The following HK1 variants were observed in gnomAD, a reference collection of about 807,000 sequenced individuals.
HK1 encodes the protein hexokinase-1.
Under a neutral mutation model 91.6 loss-of-function variants are expected in HK1, and 28 were observed. The ratio of observed to expected loss-of-function variants is 0.31; its 90% CI spans 0.23 to 0.42. HK1 has a LOEUF of 0.42. Ranked by LOEUF, HK1 falls within the 10% of genes least tolerant of loss-of-function variation. The pLI is 1.00. For missense variants in HK1, 770 were observed against 1,219.8 expected (o/e 0.63, Z 5.49); for synonymous variants, 430 against 468.1 (o/e 0.92, Z 1.05).
chr10:69,392,314 C>G lies in HK1; in HGVS notation c.2219+6C>G, dbSNP rs748705729. On this transcript the variant is annotated splice_donor_region_variant and intron_variant, in intron 15 of 17. Coordinates refer to ENST00000359426, the MANE Select transcript of HK1 (RefSeq NM_000188.3). ...CTAAATGCTGGGAAACAAAGGTAACCCCGCCTGGTGGAGAGGACACTCACA... is the reference window on the plus strand; with the variant it reads ...CTAAATGCTGGGAAACAAAGGTAACGCCGCCTGGTGGAGAGGACACTCACA... 2 of 1,613,990 alleles carry G rather than the reference C, an allele frequency of 1.2e-6. No individual in the cohort carries two copies. Among genetic ancestry groups the G allele is most frequent in the Non-Finnish European group, 1.7e-6 (2 of 1,180,010 alleles).
intron 1 of HK1, among the ~76,000 whole-genome samples, chr10:69,273,188 C>T (rs1844263763): frequency 6.6e-6 from 1 of 151,368 alleles, no homozygotes; most frequent in Admixed American, 6.6e-5. Context: ...CGCCACCATG[C>T]CCAGCTAACT....
At chr10:69,390,601 C>T (rs1839854559) in intron 14 of HK1, among the ~76,000 whole-genome samples, 1 of 152,202 alleles carries the variant, frequency 6.6e-6, no homozygotes, top group South Asian at 2.1e-4. Flanking sequence ...AGTCTTTGAA[C>T]TCTACTTAAG....
chr10:69,370,018 A>C (rs1012106566), intron 7 of HK1, among the ~76,000 whole-genome samples: 2 of 152,234 alleles, frequency 1.3e-5, no homozygotes, highest in Non-Finnish European at 2.9e-5. Context: ...GGTTACAGGC[A>C]TGAGCCACCT....
At chr10:69,291,788 G>A (rs150983847) in intron 3 of HK1, among the ~76,000 whole-genome samples, 43 of 152,286 alleles carry the variant, frequency 2.8e-4, no homozygotes, top group Non-Finnish European at 5.4e-4. Context: ...AAAATTGCAT[G>A]GTCCATTTGG....
intron 2 of HK1, among the ~76,000 whole-genome samples, 184 bp downstream of exon 2, chr10:69,344,173 G>A (rs1203969709): frequency 6.6e-6 from 1 of 151,792 alleles, no homozygotes; most frequent in African/African-American, 2.4e-5. Context: ...CCATCCATCC[G>A]CTGATCCATC....
chr10:69,371,323 C>A (rs941503493), intron 7 of HK1, among the ~76,000 whole-genome samples: 3 of 149,058 alleles, frequency 2.0e-5, no homozygotes, highest in South Asian at 2.2e-4. Context: ...CATACCCCCC[C>A]CCACCCCGCC....
intron 2 of HK1, among the ~76,000 whole-genome samples, chr10:69,283,813 AAAAAGAAAAG>A (rs1341606119): frequency 6.6e-6 from 1 of 150,446 alleles, no homozygotes; most frequent in African/African-American, 2.4e-5. Context: ...AAAAAAAAAA[AAAAAGAAAAG>A]AAAAAAAGAA....
chr10:69,294,072 A>G (rs984528641), intron 3 of HK1, among the ~76,000 whole-genome samples: 5 of 151,638 alleles, frequency 3.3e-5, no homozygotes, highest in East Asian at 1.9e-4. Context: ...CGTGTTAGCC[A>G]GGATGGTCTC....
chr10:69,337,919 T>G (rs921602771), intron 1 of HK1: 2 of 153,616 alleles, frequency 1.3e-5, no homozygotes, highest in Admixed American at 6.4e-5. Flanking sequence ...CTTGGGCATG[T>G]CCAATCTTGC....
upstream of HK1, among the ~76,000 whole-genome samples, chr10:69,313,659 G>A (rs1390828610): frequency 6.6e-6 from 1 of 151,830 alleles, no homozygotes; most frequent in Admixed American, 6.6e-5. Context: ...CACCATGCCT[G>A]GCTAATTTTG....
chr10:69,334,050 G>T (rs763792711), intron 1 of HK1, among the ~76,000 whole-genome samples: 10 of 152,150 alleles, frequency 6.6e-5, no homozygotes, highest in Non-Finnish European at 1.2e-4. Context: ...GGTGGAGTTT[G>T]CAGTGAGCTG....
chr10:69,312,548 T>C (rs1018474695), upstream of HK1, among the ~76,000 whole-genome samples: 7 of 144,686 alleles, frequency 4.8e-5, no homozygotes, highest in East Asian at 2.0e-4. Flanking sequence ...CATATAGCCC[T>C]TTTTTTTTTT....
Position 69,398,584 on chromosome 10 carries a change from G to T in HK1, c.2376-11G>T. On this transcript the variant is annotated splice_polypyrimidine_tract_variant and intron_variant, in intron 16 of 17. Coordinates refer to ENST00000359426, the MANE Select transcript of HK1 (RefSeq NM_000188.3). ...TGCTTCATCCAGCCCTCTGGCTCTTGTCCCCCACAGTGACCGATTAGCACT... is the reference window on the plus strand; with the variant it reads ...TGCTTCATCCAGCCCTCTGGCTCTTTTCCCCCACAGTGACCGATTAGCACT... 6.2e-7 allele frequency: 1 copy of T among 1,610,220 alleles called. No individual in the cohort carries two copies. The highest frequency in any genetic ancestry group is 8.5e-7 in the Non-Finnish European group (1 of 1,177,804).
intron 3 of HK1, among the ~76,000 whole-genome samples, chr10:69,362,377 A>G (rs1368255342): frequency 1.3e-5 from 2 of 151,924 alleles, no homozygotes; most frequent in African/African-American, 2.4e-5. Flanking sequence ...ATGCCTGGCC[A>G]TAGTGTGTGT....
chr10:69,302,309 G>A (rs1331575667), intron 5 of HK1, among the ~76,000 whole-genome samples: 1 of 151,370 alleles, frequency 6.6e-6, no homozygotes, highest in Admixed American at 6.6e-5. Context: ...ACTAACATTA[G>A]GATAATTATA....
intron 5 of HK1, among the ~76,000 whole-genome samples, chr10:69,301,901 C>T (rs547226073): frequency 2.0e-4 from 30 of 152,106 alleles, no homozygotes; most frequent in Admixed American, 5.2e-4. Context: ...GCCGAATAGC[C>T]AAAACAATCT....
chr10:69,294,464 G>C (rs974905227), intron 3 of HK1, among the ~76,000 whole-genome samples: 1 of 152,206 alleles, frequency 6.6e-6, no homozygotes, highest in Non-Finnish European at 1.5e-5. Context: ...GCTCACATCT[G>C]TGATCCCAGC....
At chr10:69,345,219 A>G (rs879829412) in intron 2 of HK1, among the ~76,000 whole-genome samples, 16 of 152,116 alleles carry the variant, frequency 1.1e-4, no homozygotes, top group Non-Finnish European at 1.9e-4. Context: ...GGTCTACTTC[A>G]TGCTCACATA....
intron 5 of HK1, among the ~76,000 whole-genome samples, chr10:69,309,342 C>T (rs1270245308): frequency 2.7e-5 from 4 of 150,502 alleles, no homozygotes; most frequent in Admixed American, 6.6e-5. Context: ...CCACCACGCC[C>T]GGCTAATTTT....
Sources: gnomAD v4.1 joint callset for allele counts (sites outside exome capture counted in the v4.1 genomes callset) on GRCh38, gnomAD v4.1.1 for gene constraint, MANE v1.5 for transcripts, NCBI Gene and HGNC (gene_info 2026-07-23, HGNC 2026-07-21) for gene names.